GRM7: variants seen among roughly 807,000 people sequenced by gnomAD.
GRM7 encodes the protein glutamate metabotropic receptor 7.
In GRM7, 35 loss-of-function variants were observed where a neutral mutation model predicts 84.5. The ratio of observed to expected loss-of-function variants is 0.41; its 90% CI spans 0.32 to 0.55. The LOEUF (loss-of-function observed/expected upper bound fraction) is 0.55, where lower values mean the gene tolerates loss of function less well. GRM7 is among the 20% of genes least tolerant of loss of function. The pLI is 0.19. For missense variants in GRM7, 1,003 were observed against 1,194.6 expected (o/e 0.84, Z 2.36); for synonymous variants, 487 against 455.1 (o/e 1.07, Z -0.89).
chr3:6,938,914 C>T (rs973886153), intron 1 of GRM7, among the ~76,000 whole-genome samples: 4 of 152,184 alleles, frequency 2.6e-5, no homozygotes, highest in Non-Finnish European at 4.4e-5. Context: ...TTATAAAATG[C>T]CTGTTAAGGC....
At chr3:7,096,334 C>A (rs1049670643) in intron 1 of GRM7, among the ~76,000 whole-genome samples, 2 of 152,126 alleles carry the variant, frequency 1.3e-5, no homozygotes, top group African/African-American at 4.8e-5. Context: ...CCCAGGACAC[C>A]TGTACTTCTG....
At chr3:7,340,024 G>A (rs1346481833) in intron 4 of GRM7, among the ~76,000 whole-genome samples, 1 of 152,018 alleles carries the variant, frequency 6.6e-6, no homozygotes, top group African/African-American at 2.4e-5. Flanking sequence ...TCAGAGTATA[G>A]TAATATTATT....
intron 2 of GRM7, among the ~76,000 whole-genome samples, chr3:7,216,778 G>T (rs1696627721): frequency 6.6e-6 from 1 of 151,956 alleles, no homozygotes; most frequent in Non-Finnish European, 1.5e-5. Context: ...TGTTTGTTTT[G>T]CTCTCCCTGT....
At chr3:6,932,442 T>G (rs957361740) in intron 1 of GRM7, among the ~76,000 whole-genome samples, 1 of 152,118 alleles carries the variant, frequency 6.6e-6, no homozygotes, top group Non-Finnish European at 1.5e-5. Flanking sequence ...GGCCCAAGCA[T>G]TTCTTATAGT....
At chr3:6,968,309 G>A (rs1032677) in intron 1 of GRM7, among the ~76,000 whole-genome samples, 8,892 of 152,116 alleles carry the variant, frequency 0.058, 497 homozygotes, top group African/African-American at 0.14. Context: ...TTCTTATTAT[G>A]AGAACACTAG....
intron 4 of GRM7, among the ~76,000 whole-genome samples, chr3:7,356,453 C>T (rs1356195784): frequency 6.6e-6 from 1 of 152,002 alleles, no homozygotes; most frequent in South Asian, 2.1e-4. Flanking sequence ...AGGCATGTGC[C>T]ACCACGCCTG....
chr3:7,304,281 C>G (rs1292816517), intron 3 of GRM7, among the ~76,000 whole-genome samples: 2 of 135,656 alleles, frequency 1.5e-5, no homozygotes, highest in African/African-American at 5.2e-5. Context: ...AATATTGAAG[C>G]CATTGCTCCA....
rs186304608 is a variant in GRM7, at chr3:6,904,138, G to T, written c.519+42231G>T. On this transcript the variant is annotated intron_variant, in intron 1 of 9. Transcript: ENST00000357716. ...TAATGTAGCCAAATTCATCCATTTT[G>T]CTTATACAATATATGCTTTTATTTG... Among the ~76,000 whole-genome samples, 484 of 151,696 alleles carry T rather than the reference G, an allele frequency of 3.2e-3. 6 individuals are homozygous for T. Among genetic ancestry groups the T allele is most frequent in the African/African-American group, 0.011 (469 of 41,358 alleles).
intron 1 of GRM7, among the ~76,000 whole-genome samples, chr3:7,080,638 A>G (rs1446222964): frequency 6.6e-6 from 1 of 151,874 alleles, no homozygotes; most frequent in Non-Finnish European, 1.5e-5. Context: ...ACATATATGT[A>G]TATATGTGTG....
chr3:7,082,592 C>T (rs73112896), intron 1 of GRM7, among the ~76,000 whole-genome samples: 2,965 of 152,136 alleles, frequency 0.019, 78 homozygotes, highest in African/African-American at 0.068. Flanking sequence ...TTAAGAAGTA[C>T]ATTTCATAAA....
chr3:7,610,835 T>C (rs1329611477), intron 8 of GRM7, among the ~76,000 whole-genome samples: 1 of 152,116 alleles, frequency 6.6e-6, no homozygotes, highest in African/African-American at 2.4e-5. Context: ...TGCACTGGAG[T>C]GAAAAACTAC....
intron 2 of GRM7, among the ~76,000 whole-genome samples, chr3:7,284,129 T>C (rs934926711): frequency 6.6e-6 from 1 of 152,002 alleles, no homozygotes; most frequent in Non-Finnish European, 1.5e-5. Flanking sequence ...TTGAAGGAAA[T>C]TGAGAGAAAC....
At chr3:7,304,653 TTTG>T (rs1700126948) in intron 3 of GRM7, among the ~76,000 whole-genome samples, 1 of 152,108 alleles carries the variant, frequency 6.6e-6, no homozygotes, top group South Asian at 2.1e-4. Context: ...TTTCCAACTT[TTTG>T]TTGTTTTGCT....
At chr3:7,284,449 G>T (rs1699360907) in intron 2 of GRM7, among the ~76,000 whole-genome samples, 2 of 152,102 alleles carry the variant, frequency 1.3e-5, no homozygotes, top group South Asian at 4.1e-4. Context: ...GCTATGAATG[G>T]AGAGATCTAT....
At chr3:6,867,458 C>A (rs909543230) in intron 1 of GRM7, among the ~76,000 whole-genome samples, 2 of 152,140 alleles carry the variant, frequency 1.3e-5, no homozygotes, top group African/African-American at 4.8e-5. Context: ...GATGTATAGG[C>A]CTCCTATCTG....
At position 7,128,629 on chromosome 3, in the gene GRM7, C is replaced by G. The variant is rs144190003; in HGVS notation, c.520-17823C>G. 3.7e-5 allele frequency among the ~76,000 whole-genome samples: 5 copies of G among 133,768 alleles called. 1 individual carries two copies. Among genetic ancestry groups the G allele is most frequent in the Admixed American group, 3.6e-4 (5 of 13,964 alleles). The allele number at this position is 133,768 out of a possible 152,430, so 87.8% of individuals were successfully genotyped here. A position where few individuals can be genotyped will look rare whatever the true frequency, so the allele number is the denominator to read the frequency against. ...TTCAGCGATTCTCTTGCCTCAGCCT[C>G]TCAAGTAGCTGGGATTACAGGTACC... On this transcript the variant is annotated intron_variant, in intron 1 of 9. Transcript: ENST00000357716.
intron 4 of GRM7, among the ~76,000 whole-genome samples, chr3:7,316,342 A>G (rs1277902851): frequency 6.6e-6 from 1 of 152,108 alleles, no homozygotes; most frequent in East Asian, 1.9e-4. Flanking sequence ...AAAGGATCAT[A>G]TTGGCTATTA....
At chr3:7,572,615 C>G (rs543139085) in intron 7 of GRM7, among the ~76,000 whole-genome samples, 1 of 150,840 alleles carries the variant, frequency 6.6e-6, no homozygotes, top group South Asian at 2.1e-4. Flanking sequence ...GTCAGGAGAT[C>G]GAGATTATCC....
intron 1 of GRM7, among the ~76,000 whole-genome samples, chr3:6,887,917 G>T (rs1275115165): frequency 6.6e-6 from 1 of 152,126 alleles, no homozygotes; most frequent in Non-Finnish European, 1.5e-5. Context: ...TTTAATGATT[G>T]CCATTCTAAC....
Sources: allele counts gnomAD v4.1 joint callset (sites outside exome capture counted in the v4.1 genomes callset), GRCh38; gene constraint gnomAD v4.1.1; transcripts MANE v1.5; gene names NCBI Gene and HGNC (gene_info 2026-07-23, HGNC 2026-07-21).